FRYL: variants seen among roughly 807,000 people sequenced by gnomAD.
FRYL encodes FRY like transcription coactivator, also known as protein furry homolog-like.
Under a neutral mutation model 351.2 loss-of-function variants are expected in FRYL, and 150 were observed. The observed-to-expected ratio is 0.43, with a 90% CI of 0.37 to 0.49. The LOEUF is 0.49. Ranked by LOEUF, FRYL falls within the 20% of genes least tolerant of loss-of-function variation. The probability of loss-of-function intolerance (pLI) is 0.00; values close to 1 mark genes in which losing one functional copy is unlikely to be tolerated. For missense variants in FRYL, 3,036 were observed against 3,619.3 expected (o/e 0.84, Z 4.13); for synonymous variants, 1,153 against 1,257.1 (o/e 0.92, Z 1.75).
intron 1 of FRYL, among the ~76,000 whole-genome samples, chr4:48,738,939 A>G (rs1375913643): frequency 2.0e-5 from 3 of 152,168 alleles, no homozygotes; most frequent in Admixed American, 6.5e-5. Context: ...GTGGAAAGAC[A>G]AAAGACTTAG....
Position 48,534,578 on chromosome 4 carries a change from C to G in FRYL, c.6672G>C (p.Leu2224=). The stretch of plus-strand genomic sequence containing the variant: ...ATTTGCCAATAATCTTTATGATCTC[C>G]AGATTAAACTGCTTGGCTGGGGCTG... ...LSAAPAKQFN[L]EIIKIIGKYV... The change falls in exon 49 of 64, where the codon CTG becomes CTC. Residue 2224 remains leucine (L), a synonymous_variant. Transcript: ENST00000358350. 6.2e-7 allele frequency: 1 copy of G among 1,612,686 alleles called. No homozygotes were observed. The highest frequency in any genetic ancestry group is 8.5e-7 in the Non-Finnish European group (1 of 1,179,112).
rs774746041 is a variant in FRYL at position 48,602,041 on chromosome 4, C to T, written c.1014G>A (p.Gln338=). 2 of 1,584,500 alleles carry T rather than the reference C, an allele frequency of 1.3e-6. No individual in the cohort carries two copies. Among genetic ancestry groups the T allele is most frequent in the Admixed American group, 3.3e-5 (2 of 59,732 alleles). The change falls in exon 13 of 64, where the codon CAG becomes CAA. Residue 338 remains glutamine, a synonymous_variant. Transcript: ENST00000358350. Reference sequence around the variant, plus strand: ...TTACCTTTAAATGTGACAAACAGTTCTGTAGGAAAATATGCCAGTTATTTA... The same window carrying T: ...TTACCTTTAAATGTGACAAACAGTTTTGTAGGAAAATATGCCAGTTATTTA... ...FFLNNWHIFL[Q]NCLSHLKNKD...
chr4:48,774,018 G>A (rs1448951404), intron 1 of FRYL, among the ~76,000 whole-genome samples: 1 of 152,194 alleles, frequency 6.6e-6, no homozygotes, highest in African/African-American at 2.4e-5. Context: ...TACACACATT[G>A]AGAGGGATCA....
chr4:48,558,961 A>T (rs993933188), intron 33 of FRYL, among the ~76,000 whole-genome samples: 2 of 152,148 alleles, frequency 1.3e-5, no homozygotes, highest in African/African-American at 4.8e-5. Flanking sequence ...ACTCATTAAG[A>T]GAAGTGTTTT....
chr4:48,505,532 G>A lies in FRYL; in HGVS notation c.8463+15C>T, dbSNP rs780943857. On this transcript the variant is annotated intron_variant, in intron 60 of 63. Coordinates refer to ENST00000358350, the MANE Select transcript of FRYL (RefSeq NM_015030.2). Reference sequence around the variant, plus strand: ...CAGAAAATGTATGTTGCAAAAACAGGAACAAGAAACTTACTTGTGCATCTG... The same window carrying A: ...CAGAAAATGTATGTTGCAAAAACAGAAACAAGAAACTTACTTGTGCATCTG... The A allele has an allele frequency of 1.3e-6, 2 of 1,549,842 alleles. No homozygotes were observed. The highest frequency in any genetic ancestry group is 1.8e-6 in the Non-Finnish European group (2 of 1,125,608).
chr4:48,527,216 CT>C (rs1726456297), intron 53 of FRYL, among the ~76,000 whole-genome samples: 1 of 152,072 alleles, frequency 6.6e-6, no homozygotes, highest in African/African-American at 2.4e-5. Context: ...ACATTTAAGT[CT>C]AAGCATACCC....
Position 48,605,848 on chromosome 4 carries a change from G to C in FRYL, c.742-15C>G. On this transcript the variant is annotated splice_polypyrimidine_tract_variant and intron_variant, in intron 10 of 63. Transcript: ENST00000358350. Reference sequence around the variant, plus strand: ...TGAGCACATTCCTTAAAGGGAAAGAGGTATATACTTAGATTAACAAAAGAG... The same window carrying C: ...TGAGCACATTCCTTAAAGGGAAAGACGTATATACTTAGATTAACAAAAGAG... The C allele has an allele frequency of 2.9e-6, 4 of 1,379,734 alleles. No homozygotes were observed. Among genetic ancestry groups the C allele is most frequent in the Non-Finnish European group, 3.0e-6 (3 of 984,522 alleles). 85.5% of individuals were successfully genotyped at this position (1,379,734 alleles called of 1,614,324 possible).
intron 3 of FRYL, among the ~76,000 whole-genome samples, chr4:48,665,682 C>A (rs951668694): frequency 2.0e-5 from 3 of 152,158 alleles, no homozygotes; most frequent in African/African-American, 7.2e-5. Flanking sequence ...GAGTAAAATT[C>A]TATGAATCAC....
Position 48,684,008 on chromosome 4 carries a change from T to C in FRYL, c.-81+665A>G, listed in dbSNP as rs572612404. On this transcript the variant is annotated intron_variant, in intron 3 of 63. Transcript: ENST00000358350. The stretch of plus-strand genomic sequence containing the variant: ...ATAGAAGAATGCTAATTCATGTTTG[T>C]TCATGACATGCAAGACAACCATTTG... Among the ~76,000 whole-genome samples the C allele has an allele frequency of 7.9e-5, 12 of 152,288 alleles. 1 individual carries two copies. The highest frequency in any genetic ancestry group is 2.9e-4 in the African/African-American group (12 of 41,564).
chr4:48,613,423 AT>A (rs1194431224), intron 7 of FRYL, among the ~76,000 whole-genome samples: 1 of 152,172 alleles, frequency 6.6e-6, no homozygotes. Flanking sequence ...GGAGACTACT[AT>A]ATTTGCTTCA....
chr4:48,701,643 G>C (rs1295625939), intron 2 of FRYL, among the ~76,000 whole-genome samples: 3 of 152,174 alleles, frequency 2.0e-5, no homozygotes, highest in Admixed American at 6.5e-5. Flanking sequence ...ACAAAATCAA[G>C]TATGAGAATC....
At position 48,710,616 on chromosome 4, in the gene FRYL, T is replaced by C. The variant is rs1767894075; in HGVS notation, c.-301A>G. ...CTTTTTTGATCTGGAGCTTGTACTTTACAGGCACTCGAGTGGGCACACTGG... is the reference window on the plus strand; with the variant it reads ...CTTTTTTGATCTGGAGCTTGTACTTCACAGGCACTCGAGTGGGCACACTGG... On this transcript the variant is annotated 5_prime_UTR_variant, in exon 2 of 64. Transcript: ENST00000358350. 7.5e-6 allele frequency: 3 copies of C among 398,474 alleles called. No individual in the cohort carries two copies. Among genetic ancestry groups the C allele is most frequent in the East Asian group, 3.6e-5 (1 of 28,080 alleles). The allele number at this position is 398,474 out of a possible 1,614,324, so 24.7% of individuals were successfully genotyped here.
chr4:48,553,524 CAACAAT>C, intron 35 of FRYL, 141 bp from the exon 36 acceptor site: 1 of 611,656 alleles, frequency 1.6e-6, no homozygotes. Context: ...TAGCACTGAT[CAACAAT>C]AAGACATTAA....
chr4:48,743,016 A>C (rs1772288668), intron 1 of FRYL, among the ~76,000 whole-genome samples: 1 of 124,184 alleles, frequency 8.1e-6, no homozygotes. Context: ...ACAGAGTTTC[A>C]TCACGTCGAT....
chr4:48,519,077 C>CT (rs1472669330), intron 55 of FRYL, among the ~76,000 whole-genome samples: 3 of 152,338 alleles, frequency 2.0e-5, no homozygotes, highest in African/African-American at 7.2e-5. Flanking sequence ...ATAGGTATCT[C>CT]TTGAAAGGAT....
rs1768166052 is a variant in FRYL, at chr4:48,712,318, G to GA, written c.-383-1621dup. Among the ~76,000 whole-genome samples the GA allele has an allele frequency of 2.0e-5, 3 of 152,066 alleles. No individual in the cohort carries two copies. The South Asian group carries it at 6.3e-4, about 32-fold the overall frequency. Reference sequence around the variant, plus strand: ...CAAAGGCAAAGAAGTTAAAAACTTTGAAAAAAATTTAGAGGAATGTATAAC... The same window carrying GA: ...CAAAGGCAAAGAAGTTAAAAACTTTGAAAAAAAATTTAGAGGAATGTATAAC... On this transcript the variant is annotated intron_variant, in intron 1 of 63. Coordinates refer to ENST00000358350, the MANE Select transcript of FRYL (RefSeq NM_015030.2).
intron 31 of FRYL, among the ~76,000 whole-genome samples, chr4:48,563,194 G>A (rs1212014576): frequency 2.0e-5 from 3 of 151,538 alleles, no homozygotes; most frequent in Non-Finnish European, 4.4e-5. Context: ...TAGAGCACAC[G>A]TGTTCAACCT....
Position 48,522,912 on chromosome 4 carries a change from G to A in FRYL, c.7510C>T (p.Arg2504Cys), listed in dbSNP as rs764892956. 4.3e-6 allele frequency: 7 copies of A among 1,612,324 alleles called. No individual in the cohort carries two copies. The African/African-American group carries it at 6.7e-5, about 15-fold the overall frequency. ...AALTASQILS[R>C]TQMLNSDSAT... ...AGTGAATTGTATACCATCTGTGTGC[G>A]TGAGAGTATCTGGCTTGCTGTAAGT... Residue 2504 changes from arginine (R) to cysteine (C), a missense_variant, in exon 54 of 64, where the codon CGC becomes TGC. Arg to Cys is a radical substitution (Grantham distance 180). Coordinates refer to ENST00000358350, the MANE Select transcript of FRYL (RefSeq NM_015030.2).
intron 42 of FRYL, among the ~76,000 whole-genome samples, chr4:48,545,476 T>A (rs1222289663): frequency 2.0e-5 from 3 of 152,180 alleles, no homozygotes; most frequent in Admixed American, 2.0e-4. Context: ...TTTCTCCACA[T>A]ACTTATTAAA....
Sources: gnomAD v4.1 joint callset for allele counts (sites outside exome capture counted in the v4.1 genomes callset) on GRCh38, gnomAD v4.1.1 for gene constraint, MANE v1.5 for transcripts, NCBI Gene and HGNC (gene_info 2026-07-23, HGNC 2026-07-21) for gene names.